Variants in DCC observed in about 807,000 individuals in gnomAD.
DCC encodes the protein DCC netrin 1 receptor, also known as netrin receptor DCC.
Under a neutral mutation model 172.5 loss-of-function variants are expected in DCC, and 58 were observed. That is an observed-to-expected ratio of 0.34 (90% CI 0.27 to 0.42). The LOEUF is 0.42. DCC is among the 10% of genes least tolerant of loss of function. The pLI is 1.00. For synonymous variants in DCC, 709 were observed against 644.5 expected (o/e 1.10, Z -1.52); for missense variants, 1,740 against 1,791.0 (o/e 0.97, Z 0.51).
intron 12 of DCC, among the ~76,000 whole-genome samples, chr18:53,228,461 G>A (rs1598926114): frequency 1.3e-5 from 2 of 152,196 alleles, no homozygotes; most frequent in South Asian, 4.1e-4. Context: ...CTCCGTAAGA[G>A]TCTTCCAAAT....
At chr18:53,005,078 A>G (rs1355467397) in intron 5 of DCC, among the ~76,000 whole-genome samples, 3 of 152,092 alleles carry the variant, frequency 2.0e-5, no homozygotes, top group Non-Finnish European at 4.4e-5. Context: ...TCACCATAGG[A>G]TGACATAGCA....
At chr18:52,626,487 T>C (rs1337264411) in intron 1 of DCC, among the ~76,000 whole-genome samples, 1 of 152,078 alleles carries the variant, frequency 6.6e-6, no homozygotes, top group African/African-American at 2.4e-5. Context: ...ATTCCTAATA[T>C]ACAAAAACCA....
At chr18:52,720,833 G>T (rs950452731) in intron 1 of DCC, among the ~76,000 whole-genome samples, 1 of 152,084 alleles carries the variant, frequency 6.6e-6, no homozygotes, top group East Asian at 1.9e-4. Flanking sequence ...CCCCTTCCTC[G>T]GGATTTCTTA....
chr18:53,064,165 T>G (rs887308733), intron 6 of DCC, among the ~76,000 whole-genome samples: 5 of 152,168 alleles, frequency 3.3e-5, no homozygotes, highest in African/African-American at 1.2e-4. Flanking sequence ...ATAGTGGTAC[T>G]CTATTCACTG....
chr18:52,936,779 GT>G (rs2040387476), intron 5 of DCC, among the ~76,000 whole-genome samples: 1 of 152,158 alleles, frequency 6.6e-6, no homozygotes, highest in Non-Finnish European at 1.5e-5. Context: ...CCCAGAAGGA[GT>G]TTGACTCTGT....
intron 5 of DCC, among the ~76,000 whole-genome samples, chr18:52,968,248 G>A (rs2040967507): frequency 6.6e-6 from 1 of 152,202 alleles, no homozygotes. Flanking sequence ...GAGGGAAAGA[G>A]TTAATAACTC....
rs182680780 is a variant in DCC at position 52,865,578 on chromosome 18, A to G, written c.413-40466A>G. Reference sequence around the variant, plus strand: ...CTCATTGTGGTTTTGATTAGTATTTATTAGTATTTCTCTAATGACCAGTGA... The same window carrying G: ...CTCATTGTGGTTTTGATTAGTATTTGTTAGTATTTCTCTAATGACCAGTGA... On this transcript the variant is annotated intron_variant, in intron 2 of 28. Transcript: ENST00000442544. Among the ~76,000 whole-genome samples the G allele has an allele frequency of 8.6e-5, 13 of 150,602 alleles. No individual in the cohort carries two copies. In the East Asian group the frequency reaches 9.8e-4, roughly 11 times the overall value.
intron 1 of DCC, among the ~76,000 whole-genome samples, chr18:52,369,614 T>G (rs866649172): frequency 3.9e-5 from 6 of 152,014 alleles, no homozygotes; most frequent in Middle Eastern, 3.4e-3. Context: ...TCTCTCTGCC[T>G]CTCTGCTTGT....
chr18:53,490,475 A>G (rs2045948851), intron 26 of DCC, among the ~76,000 whole-genome samples: 1 of 152,226 alleles, frequency 6.6e-6, no homozygotes. Flanking sequence ...ATTAATTATT[A>G]TAAAGTACCT....
intron 1 of DCC, among the ~76,000 whole-genome samples, chr18:52,720,846 A>G (rs987090848): frequency 1.3e-5 from 2 of 152,126 alleles, no homozygotes; most frequent in Non-Finnish European, 2.9e-5. Flanking sequence ...ATTTCTTAAC[A>G]TGCTGCTGTT....
intron 1 of DCC, among the ~76,000 whole-genome samples, chr18:52,399,161 A>T (rs1986343352): frequency 6.6e-6 from 1 of 152,070 alleles, no homozygotes; most frequent in African/African-American, 2.4e-5. Flanking sequence ...AGATGTCTTT[A>T]AATTAGCAAG....
At chr18:52,603,882 C>T (rs1283918182) in intron 1 of DCC, among the ~76,000 whole-genome samples, 2 of 49,134 alleles carry the variant, frequency 4.1e-5, no homozygotes, top group Admixed American at 1.6e-4. Context: ...CATTTTTCCT[C>T]TCATTTTATG....
intron 14 of DCC, among the ~76,000 whole-genome samples, chr18:53,328,737 G>T (rs193261314): frequency 6.6e-6 from 1 of 152,094 alleles, no homozygotes; most frequent in Non-Finnish European, 1.5e-5. Context: ...GTTTCACCAC[G>T]TGGGCCAGGC....
chr18:53,485,772 C>A (rs2045893567), intron 25 of DCC, among the ~76,000 whole-genome samples: 1 of 151,926 alleles, frequency 6.6e-6, no homozygotes, highest in African/African-American at 2.4e-5. Flanking sequence ...TATGTTGCTT[C>A]TCATTGAGTT....
intron 12 of DCC, among the ~76,000 whole-genome samples, chr18:53,293,495 G>T (rs572543684): frequency 4.6e-5 from 7 of 152,032 alleles, no homozygotes; most frequent in Non-Finnish European, 1.0e-4. Flanking sequence ...TTTAGTTTCA[G>T]GGGTACATGT....
Position 52,810,734 on chromosome 18 carries a change from T to G in DCC, c.412+58360T>G, listed in dbSNP as rs557633113. Among the ~76,000 whole-genome samples, 3 of 152,296 alleles carry G rather than the reference T, an allele frequency of 2.0e-5. No individual in the cohort carries two copies. The South Asian group carries it at 6.2e-4, about 32-fold the overall frequency. On this transcript the variant is annotated intron_variant, in intron 2 of 28. Transcript: ENST00000442544. ...CCAATTAGGAAAGGGTAGGTATTTTTGAAACAGGTGAAGGGTAGGGATCAA... is the reference window on the plus strand; with the variant it reads ...CCAATTAGGAAAGGGTAGGTATTTTGGAAACAGGTGAAGGGTAGGGATCAA...
In DCC at chr18:52,715,133, A is replaced by G. The variant is rs117436104; in HGVS notation, c.92-36921A>G. On this transcript the variant is annotated intron_variant, in intron 1 of 28. Coordinates refer to ENST00000442544, the MANE Select transcript of DCC (RefSeq NM_005215.4). ...TCCTTAGGTTTATTTTGTTATTTCT[A>G]AAGAATCTAGTTGGGTTATACCAAT... Among the ~76,000 whole-genome samples the G allele has an allele frequency of 5.0e-3, 763 of 152,164 alleles. 6 individuals carry two copies. Among genetic ancestry groups the G allele is most frequent in the South Asian group, 0.014 (67 of 4,818 alleles).
At chr18:53,423,621 A>T (rs1392942469) in intron 21 of DCC, among the ~76,000 whole-genome samples, 2 of 152,178 alleles carry the variant, frequency 1.3e-5, no homozygotes, top group Non-Finnish European at 2.9e-5. Context: ...TACTTTTTTC[A>T]AGAATCCTTT....
chr18:52,661,904 A>G (rs1341107705), intron 1 of DCC, among the ~76,000 whole-genome samples: 1 of 152,202 alleles, frequency 6.6e-6, no homozygotes, highest in African/African-American at 2.4e-5. Context: ...AAAATAAGGG[A>G]GAAACTTTCA....
Sources: gnomAD v4.1 joint callset for allele counts (sites outside exome capture counted in the v4.1 genomes callset) on GRCh38, gnomAD v4.1.1 for gene constraint, MANE v1.5 for transcripts, NCBI Gene and HGNC (gene_info 2026-07-23, HGNC 2026-07-21) for gene names.